The following ACLY variants were observed in gnomAD, a reference collection of about 807,000 sequenced individuals.
ACLY encodes the protein ATP-citrate synthase.
Under a neutral mutation model 133.0 loss-of-function variants are expected in ACLY, and 41 were observed. The ratio of observed to expected loss-of-function variants is 0.31; its 90% confidence interval spans 0.24 to 0.40. The LOEUF (loss-of-function observed/expected upper bound fraction) is 0.40. Ranked by LOEUF, ACLY falls within the 10% of genes least tolerant of loss-of-function variation. The probability of loss-of-function intolerance (pLI) is 1.00; values close to 1 mark genes in which losing one functional copy is unlikely to be tolerated. For synonymous variants in ACLY, 495 were observed against 549.3 expected (o/e 0.90, Z 1.38); for missense variants, 1,046 against 1,453.8 (o/e 0.72, Z 4.56).
At chr17:41,883,081 A>G in intron 20 of ACLY, 41 bp downstream of exon 20, 1 of 1,535,400 alleles carries the variant, frequency 6.5e-7, no homozygotes, top group Non-Finnish European at 8.9e-7. Flanking sequence ...CCCTCTTGCA[A>G]TCCCCACTCC....
intron 18 of ACLY, among the ~76,000 whole-genome samples, chr17:41,884,505 T>G (rs2048999443): frequency 6.6e-6 from 1 of 152,210 alleles, no homozygotes; most frequent in Non-Finnish European, 1.5e-5. Context: ...AGGAAAAGAC[T>G]GGGCACAAAA....
chr17:41,900,069 CAAAAAAAAAAAAA>C (rs60296550), intron 11 of ACLY, among the ~76,000 whole-genome samples: 48 of 46,630 alleles, frequency 1.0e-3, no homozygotes, highest in African/African-American at 2.9e-3. Flanking sequence ...ACCCTGTCTC[CAAAAAAAAAAAAA>C]AAAAAAAAAA....
At chr17:41,888,611 T>C (rs563109738) in intron 16 of ACLY, among the ~76,000 whole-genome samples, 19 of 152,140 alleles carry the variant, frequency 1.2e-4, no homozygotes, top group African/African-American at 4.3e-4. Flanking sequence ...AGGGGCCAGG[T>C]AGAGTGGCTC....
At chr17:41,879,755 G>C (rs1255608642) in intron 20 of ACLY, among the ~76,000 whole-genome samples, 1 of 143,548 alleles carries the variant, frequency 7.0e-6, no homozygotes, top group African/African-American at 2.6e-5. Flanking sequence ...TCTCGCTCCA[G>C]TTCCCCAGGC....
At chr17:41,908,543 T>C (rs2049795276) in intron 6 of ACLY, among the ~76,000 whole-genome samples, 1 of 152,182 alleles carries the variant, frequency 6.6e-6, no homozygotes, top group Non-Finnish European at 1.5e-5. Flanking sequence ...GTGGACAGAT[T>C]ACCTGAGGTC....
intron 16 of ACLY, among the ~76,000 whole-genome samples, chr17:41,892,011 C>T (rs2049226110): frequency 6.6e-6 from 1 of 152,162 alleles, no homozygotes; most frequent in African/African-American, 2.4e-5. Context: ...CCTGAGCAGC[C>T]TCTTTGTAAG....
rs199892338 is a variant in ACLY, at chr17:41,906,659, C to A, written c.748-13G>T. 3.1e-6 allele frequency: 5 copies of A among 1,611,438 alleles called. No homozygotes were observed. Among genetic ancestry groups the A allele is most frequent in the Middle Eastern group, 1.7e-4 (1 of 6,052 alleles). ...CAATGTAGGCTTCCTGGGGACCAGA[C>A]AGCAACAGGTAGGCCCTTGGGGTAC... On this transcript the variant is annotated splice_polypyrimidine_tract_variant and intron_variant, in intron 7 of 28. Coordinates refer to ENST00000352035, the MANE Select transcript of ACLY (RefSeq NM_001096.3).
chr17:41,883,172 G>A lies in ACLY; in HGVS notation c.2215C>T (p.Pro739Ser). ...GTCCCGATGCACCAGCAGACGATGG[G>A]CTTAGTGAGGCGGCCCTCCTTGATG... ...RGIKEGRLTKPIVCWCIGTCA... is the reference protein window; with the variant it reads ...RGIKEGRLTKSIVCWCIGTCA... The change falls in exon 20 of 29, where the codon CCC becomes TCC. Residue 739 changes from proline to serine, a missense_variant. By Grantham distance (74) the Pro-to-Ser change is moderately conservative (BLOSUM62 -1). Around this residue, in one of 4 missense-constraint regions of ACLY, gnomAD observed 575 missense variants for 804.2 expected, o/e 0.71. Coordinates refer to ENST00000352035, the MANE Select transcript of ACLY (RefSeq NM_001096.3). 1.2e-6 allele frequency: 2 copies of A among 1,614,042 alleles called. No individual in the cohort carries two copies. The highest frequency in any genetic ancestry group is 2.2e-5 in the South Asian group (2 of 91,074).
chr17:41,899,550 C>T (rs1381239489), intron 11 of ACLY, among the ~76,000 whole-genome samples: 1 of 152,142 alleles, frequency 6.6e-6, no homozygotes, highest in Non-Finnish European at 1.5e-5. Flanking sequence ...CCAAGCACTA[C>T]CTCCTGAGAA....
At chr17:41,896,693 G>C (rs1195671763) in intron 13 of ACLY, 44 bp from the exon 14 acceptor site, 1 of 1,534,750 alleles carries the variant, frequency 6.5e-7, no homozygotes, top group African/African-American at 1.4e-5. Flanking sequence ...CCCACTGATG[G>C]CTGGAGGCTT....
At chr17:41,877,724 C>T (rs572826302) in intron 22 of ACLY, among the ~76,000 whole-genome samples, 3 of 152,218 alleles carry the variant, frequency 2.0e-5, no homozygotes, top group Admixed American at 6.5e-5. Context: ...TAATCAGCTT[C>T]CAGCAAATAT....
In ACLY at chr17:41,890,520, T is replaced by C. The variant is rs377532494; in HGVS notation, c.1770+1759A>G. 2.2e-4 allele frequency among the ~76,000 whole-genome samples: 32 copies of C among 142,684 alleles called. 1 individual carries two copies. The South Asian group carries it at 6.0e-3, about 27-fold the overall frequency. The allele number at this position is 142,684 out of a possible 152,430, so 93.6% of individuals were successfully genotyped here. On this transcript the variant is annotated intron_variant, in intron 16 of 28. Transcript: ENST00000352035. ...CAACATGGTGAAACTCCGTCTCTAC[T>C]AAAAATACAAAAAAAAAATTAGCCG...
intron 19 of ACLY, 80 bp downstream of exon 19, chr17:41,884,113 C>A: frequency 1.1e-6 from 1 of 883,632 alleles, no homozygotes. Flanking sequence ...TACATGTAAC[C>A]AAAATGTTTT....
At chr17:41,887,559 T>G in intron 17 of ACLY, 40 bp downstream of exon 17, 2 of 1,550,340 alleles carry the variant, frequency 1.3e-6, no homozygotes, top group East Asian at 4.5e-5. Flanking sequence ...CTTCATAAGA[T>G]AGCATCGAAC....
At chr17:41,873,096 T>C (rs530185595) in intron 23 of ACLY, among the ~76,000 whole-genome samples, 92 of 152,058 alleles carry the variant, frequency 6.1e-4, no homozygotes, top group Admixed American at 1.9e-3. Flanking sequence ...GGGCTAAGAT[T>C]GGGAGTTGCA....
chr17:41,906,688 C>G lies in ACLY; in HGVS notation c.748-42G>C, dbSNP rs202013869. The G allele has an allele frequency of 8.1e-5, 126 of 1,559,130 alleles. 1 individual carries two copies. The African/African-American group carries it at 1.4e-3, about 17-fold the overall frequency. On this transcript the variant is annotated intron_variant, in intron 7 of 28. Transcript: ENST00000352035. ...AACAGGTAGGCCCTTGGGGTACCCC[C>G]TTTACCAGGTCCCAGATCCTAGGAC...
chr17:41,917,822 T>G (rs1381463746), intron 1 of ACLY, among the ~76,000 whole-genome samples: 2 of 151,944 alleles, frequency 1.3e-5, no homozygotes, highest in African/African-American at 4.8e-5. Flanking sequence ...CCAAGCTGTT[T>G]AGGAAGGTTT....
At chr17:41,880,815 G>A (rs976517436) in intron 20 of ACLY, among the ~76,000 whole-genome samples, 1 of 151,548 alleles carries the variant, frequency 6.6e-6, no homozygotes, top group Admixed American at 6.6e-5. Context: ...GCAGTGAGCC[G>A]AGACTGCACC....
At position 41,878,863 on chromosome 17, in the gene ACLY, T is replaced by C; in HGVS notation, c.2327A>G (p.Asn776Ser). The C allele has an allele frequency of 6.2e-7, 1 of 1,614,128 alleles. No individual in the cohort carries two copies. Among genetic ancestry groups the C allele is most frequent in the Non-Finnish European group, 8.5e-7 (1 of 1,180,004 alleles). Reference sequence around the variant, plus strand: ...CACTCCTGCTTCCTTCAAAGCCTGGTTCTTGGCTACTGCAGTTTCAGAAGC... The same window carrying C: ...CACTCCTGCTTCCTTCAAAGCCTGGCTCTTGGCTACTGCAGTTTCAGAAGC... ...NQASETAVAKNQALKEAGVFV... is the reference protein window; with the variant it reads ...NQASETAVAKSQALKEAGVFV... The change falls in exon 21 of 29, where the codon AAC (asparagine) becomes AGC (serine). Residue 776 changes from asparagine (N) to serine (S), a missense_variant. Physicochemically the swap from Asn to Ser is conservative, Grantham distance 46 (BLOSUM62 1). Transcript: ENST00000352035.
Sources: allele counts gnomAD v4.1 joint callset (sites outside exome capture counted in the v4.1 genomes callset), GRCh38; gene constraint gnomAD v4.1.1; regional missense constraint gnomAD v4.1.1; transcripts MANE v1.5; gene names NCBI Gene and HGNC (gene_info 2026-07-23, HGNC 2026-07-21).